Variants in CUX1 observed in about 807,000 individuals in gnomAD.
The protein encoded by CUX1 is cut like homeobox 1, also known as protein CASP.
CUX1 carries 31 observed loss-of-function variants against 158.8 expected under a neutral mutation model. The ratio of observed to expected loss-of-function variants is 0.20; its 90% CI spans 0.15 to 0.26. The LOEUF (loss-of-function observed/expected upper bound fraction) is 0.26. Ranked by LOEUF, CUX1 falls within the 10% of genes least tolerant of loss-of-function variation. The pLI is 1.00. For missense variants in CUX1, 1,589 were observed against 2,014.6 expected (o/e 0.79, Z 4.04); for synonymous variants, 879 against 862.1 (o/e 1.02, Z -0.34).
intron 8 of CUX1, among the ~76,000 whole-genome samples, chr7:102,132,674 GCTTTT>G (rs1208318323): frequency 1.1e-3 from 137 of 121,110 alleles, no homozygotes; most frequent in African/African-American, 4.2e-3. Context: ...GTTTTTCTTT[GCTTTT>G]CTTTTTTTTT....
At chr7:102,263,082 C>T (rs1401973500), downstream of CUX1, among the ~76,000 whole-genome samples, 39 of 145,892 alleles carry the variant, frequency 2.7e-4, no homozygotes, top group Non-Finnish European at 2.2e-4. Flanking sequence ...GGCGTGATCT[C>T]GGCTCACTGC....
At chr7:102,216,730 AGAGTCC>A in intron 20 of CUX1, among the ~76,000 whole-genome samples, 1 of 141,608 alleles carries the variant, frequency 7.1e-6, no homozygotes, top group East Asian at 2.2e-4. Context: ...ACATGCACAC[AGAGTCC>A]CACACACACT....
chr7:102,092,816 G>C (rs1486640388), intron 4 of CUX1, among the ~76,000 whole-genome samples: 2 of 151,270 alleles, frequency 1.3e-5, no homozygotes, highest in African/African-American at 4.9e-5. Context: ...GGGAGGCTGA[G>C]GCAGGAGAAT....
chr7:102,262,220 G>A (rs559988381), downstream of CUX1, among the ~76,000 whole-genome samples: 15 of 152,304 alleles, frequency 9.8e-5, no homozygotes, highest in African/African-American at 3.6e-4. Flanking sequence ...TGGCTAACAT[G>A]GTGAAACCCT....
chr7:101,979,207 G>A (rs1280105981), intron 2 of CUX1, among the ~76,000 whole-genome samples: 1 of 152,158 alleles, frequency 6.6e-6, no homozygotes, highest in Non-Finnish European at 1.5e-5. Context: ...GCTCTAGACT[G>A]TGATGCTGGG....
chr7:102,125,363 G>A (rs1483630063), intron 8 of CUX1, among the ~76,000 whole-genome samples: 1 of 152,206 alleles, frequency 6.6e-6, no homozygotes, highest in African/African-American at 2.4e-5. Flanking sequence ...CAACAGTGAA[G>A]AGTTAGGACG....
chr7:102,224,955 T>C (rs1159116838), intron 20 of CUX1, among the ~76,000 whole-genome samples: 1 of 152,192 alleles, frequency 6.6e-6, no homozygotes, highest in East Asian at 1.9e-4. Flanking sequence ...GTGAGCAAGA[T>C]GGATGATCTG....
intron 21 of CUX1, among the ~76,000 whole-genome samples, chr7:102,230,139 G>A (rs781801139): frequency 2.1e-4 from 32 of 152,148 alleles, no homozygotes; most frequent in Non-Finnish European, 4.1e-4. Context: ...AAGGCCTTGT[G>A]TGTCTTTTCT....
intron 7 of CUX1, among the ~76,000 whole-genome samples, chr7:102,112,614 G>A (rs1301136803): frequency 2.6e-5 from 4 of 151,492 alleles, no homozygotes; most frequent in Non-Finnish European, 5.9e-5. Context: ...CTGTCACCCA[G>A]GCTGGGGTGC....
In CUX1 at chr7:102,233,155, A is replaced by G. The variant is rs549182336; in HGVS notation, c.3434-897A>G. ...ACAGGTGTTAGCGTGACCTCAGCAC[A>G]TACAAAGCCTGAAGGCTTTTTTTTT... On this transcript the variant is annotated intron_variant, in intron 21 of 23. Transcript: ENST00000292535. 8.0e-5 allele frequency among the ~76,000 whole-genome samples: 12 copies of G among 150,748 alleles called. No individual in the cohort carries two copies. In the South Asian group the frequency reaches 2.1e-3, roughly 26 times the overall value.
intron 8 of CUX1, among the ~76,000 whole-genome samples, chr7:102,150,303 TC>T (rs1245076790): frequency 6.6e-6 from 1 of 152,008 alleles, no homozygotes; most frequent in Non-Finnish European, 1.5e-5. Flanking sequence ...TTACAGGCGC[TC>T]GCCACCATGC....
At chr7:102,187,674 ATTT>A (rs59875022) in intron 11 of CUX1, among the ~76,000 whole-genome samples, 22 of 142,396 alleles carry the variant, frequency 1.5e-4, no homozygotes, top group East Asian at 2.2e-4. Context: ...AATTTTTTGT[ATTT>A]TTTTTTTTTT....
intron 3 of CUX1, among the ~76,000 whole-genome samples, chr7:102,041,209 T>C (rs1041000503): frequency 6.7e-6 from 1 of 149,390 alleles, no homozygotes; most frequent in Non-Finnish European, 1.5e-5. Context: ...AACAGGAGAA[T>C]TGCTTGGACG....
intron 2 of CUX1, among the ~76,000 whole-genome samples, chr7:101,987,669 G>A (rs560277515): frequency 4.7e-4 from 71 of 152,254 alleles, no homozygotes; most frequent in East Asian, 2.5e-3. Context: ...TGCCTTTCCC[G>A]GCCGCTGCGG....
intron 4 of CUX1, among the ~76,000 whole-genome samples, chr7:102,090,964 A>G (rs1171075572): frequency 8.5e-5 from 13 of 152,226 alleles, no homozygotes; most frequent in African/African-American, 3.1e-4. Context: ...TGCACAACCA[A>G]TAAATGAGAG....
At chr7:101,943,874 T>TA (rs1195553423) in intron 2 of CUX1, among the ~76,000 whole-genome samples, 1 of 151,138 alleles carries the variant, frequency 6.6e-6, no homozygotes, top group African/African-American at 2.4e-5. Flanking sequence ...TCCCAGCACT[T>TA]ACAGAGGCCG....
intron 1 of CUX1, among the ~76,000 whole-genome samples, chr7:101,818,722 C>T (rs1194579716): frequency 6.6e-6 from 1 of 152,148 alleles, no homozygotes; most frequent in Non-Finnish European, 1.5e-5. Flanking sequence ...TAGTCGAATA[C>T]GGAATGTCAA....
chr7:101,924,064 C>T (rs927492884), intron 2 of CUX1, among the ~76,000 whole-genome samples: 2 of 152,162 alleles, frequency 1.3e-5, no homozygotes, highest in African/African-American at 2.4e-5. Flanking sequence ...CTGGCAGGCA[C>T]GGTGAGGGGA....
intron 21 of CUX1, among the ~76,000 whole-genome samples, chr7:102,282,408 C>G (rs1792145226): frequency 6.6e-6 from 1 of 152,110 alleles, no homozygotes; most frequent in African/African-American, 2.4e-5. Context: ...TTGGGGACTC[C>G]TGTCCCCCGC....
Sources: gnomAD v4.1 joint callset for allele counts (sites outside exome capture counted in the v4.1 genomes callset) on GRCh38, gnomAD v4.1.1 for gene constraint, MANE v1.5 for transcripts, NCBI Gene and HGNC (gene_info 2026-07-23, HGNC 2026-07-21) for gene names.